The following AKAP7 variants were observed in gnomAD, a reference collection of about 807,000 sequenced individuals.
AKAP7 encodes A-kinase anchoring protein 7.
In AKAP7, 39 loss-of-function variants were observed where a neutral mutation model predicts 39.5. That is an observed-to-expected ratio of 0.99 (90% CI 0.76 to 1.29). The LOEUF (loss-of-function observed/expected upper bound fraction) is 1.29. Ranked by LOEUF, AKAP7 falls within the 50% of genes most tolerant of loss-of-function variation. The probability of loss-of-function intolerance (pLI) is 0.00; values close to 1 mark genes in which losing one functional copy is unlikely to be tolerated. For missense variants in AKAP7, 414 were observed against 407.7 expected (o/e 1.02, Z -0.13); for synonymous variants, 140 against 139.1 (o/e 1.01, Z -0.05).
chr6:131,278,097 G>A (rs1278222591), intron 7 of AKAP7, among the ~76,000 whole-genome samples: 1 of 152,074 alleles, frequency 6.6e-6, no homozygotes, highest in East Asian at 1.9e-4. Context: ...TGGTTTCAAG[G>A]ACTTCAGTCA....
chr6:131,265,545 T>C (rs1813716612), intron 7 of AKAP7, among the ~76,000 whole-genome samples: 1 of 151,918 alleles, frequency 6.6e-6, no homozygotes, highest in Non-Finnish European at 1.5e-5. Context: ...GAGGAGGGAG[T>C]TGGGGAGCTA....
chr6:131,220,810 G>C (rs1287409243), intron 7 of AKAP7, among the ~76,000 whole-genome samples: 2 of 152,130 alleles, frequency 1.3e-5, no homozygotes, highest in African/African-American at 2.4e-5. Flanking sequence ...ATGGTGATCA[G>C]TGATCTTTGA....
intron 2 of AKAP7, among the ~76,000 whole-genome samples, chr6:131,156,024 A>G (rs1240372224): frequency 6.6e-6 from 1 of 152,222 alleles, no homozygotes; most frequent in African/African-American, 2.4e-5. Context: ...CTTGTTGGAA[A>G]TCTAGTCTTC....
chr6:131,129,231 G>T, the AKAP7 span, among the ~76,000 whole-genome samples: 1 of 149,204 alleles, frequency 6.7e-6, no homozygotes, highest in East Asian at 2.0e-4. Context: ...AAGTTGCAGT[G>T]AGCCAAGATC....
chr6:131,153,014 T>C (rs1013134730), intron 2 of AKAP7, among the ~76,000 whole-genome samples: 11 of 149,058 alleles, frequency 7.4e-5, no homozygotes, highest in East Asian at 6.1e-4. Flanking sequence ...CCTGTAGTCC[T>C]AGCTACTCGG....
chr6:131,275,946 G>A (rs1206100189), intron 7 of AKAP7, among the ~76,000 whole-genome samples: 1 of 152,218 alleles, frequency 6.6e-6, no homozygotes, highest in Non-Finnish European at 1.5e-5. Context: ...CCAAATGCCT[G>A]TTGAGACTCT....
chr6:131,172,033 G>C (rs1804101382), intron 5 of AKAP7, among the ~76,000 whole-genome samples: 1 of 152,132 alleles, frequency 6.6e-6, no homozygotes, highest in Non-Finnish European at 1.5e-5. Context: ...GAGATTTCTG[G>C]TTCATAGAGA....
chr6:131,262,521 C>T (rs1264812665), intron 7 of AKAP7, among the ~76,000 whole-genome samples: 1 of 151,684 alleles, frequency 6.6e-6, no homozygotes, highest in South Asian at 2.1e-4. Flanking sequence ...AAACAATAAC[C>T]GTATTTTAAA....
intron 7 of AKAP7, among the ~76,000 whole-genome samples, chr6:131,257,339 G>T (rs893702933): frequency 7.2e-6 from 1 of 138,826 alleles, no homozygotes; most frequent in Non-Finnish European, 1.5e-5. Flanking sequence ...CTGTACTCCA[G>T]CCTGGGTGAC....
chr6:131,233,101 G>A (rs1441799187), intron 7 of AKAP7, among the ~76,000 whole-genome samples: 8 of 151,530 alleles, frequency 5.3e-5, no homozygotes, highest in South Asian at 4.2e-4. Flanking sequence ...TTTTTGACTG[G>A]AAAAACAAAG....
At chr6:131,131,819 T>C (rs1331717701), upstream of AKAP7, among the ~76,000 whole-genome samples, 1 of 152,114 alleles carries the variant, frequency 6.6e-6, no homozygotes, top group African/African-American at 2.4e-5. Flanking sequence ...TGACCATAGC[T>C]GCGGTCCCCT....
intron 3 of AKAP7, chr6:131,164,225 T>A (rs1214663873): frequency 2.8e-6 from 1 of 355,390 alleles, no homozygotes; most frequent in East Asian, 7.6e-5. Context: ...AGGGCTTCTG[T>A]CTTCTGTTCC....
chr6:131,205,306 A>G (rs1332834092), intron 6 of AKAP7, among the ~76,000 whole-genome samples: 3 of 152,086 alleles, frequency 2.0e-5, no homozygotes, highest in Non-Finnish European at 4.4e-5. Flanking sequence ...CTGTTTATGA[A>G]GGTAAAACAT....
At chr6:131,161,686 T>TAAAAAAAAAAAAAAAAA (rs1392090781) in intron 3 of AKAP7, among the ~76,000 whole-genome samples, 14 of 78,924 alleles carry the variant, frequency 1.8e-4, no homozygotes, top group Non-Finnish European at 3.0e-4. Context: ...AAAAAAAAAT[T>TAAAAAAAAAAAAAAAAA]AAAGGTCCTA....
At chr6:131,211,876 T>C (rs1808694100) in intron 6 of AKAP7, among the ~76,000 whole-genome samples, 1 of 151,600 alleles carries the variant, frequency 6.6e-6, no homozygotes, top group African/African-American at 2.4e-5. Flanking sequence ...AAGCCCATCA[T>C]AAATTGAACA....
chr6:131,199,038 G>A (rs75809603), intron 5 of AKAP7, among the ~76,000 whole-genome samples: 1,876 of 152,248 alleles, frequency 0.012, 34 homozygotes, highest in African/African-American at 0.043. Context: ...TACCTTGTTC[G>A]TTTCTCATTG....
chr6:131,156,047 T>G (rs1320095683), intron 2 of AKAP7, among the ~76,000 whole-genome samples: 1 of 152,206 alleles, frequency 6.6e-6, no homozygotes, highest in East Asian at 1.9e-4. Flanking sequence ...GTCATTGGCC[T>G]TTTCACTATC....
intron 7 of AKAP7, among the ~76,000 whole-genome samples, chr6:131,272,942 T>G (rs1814414203): frequency 6.6e-6 from 1 of 152,224 alleles, no homozygotes; most frequent in Non-Finnish European, 1.5e-5. Context: ...TCTTGAAATC[T>G]CAAACTGTAA....
Position 131,252,024 on chromosome 6 carries a change from C to T in AKAP7, c.851-29506C>T, listed in dbSNP as rs3777482. Among the ~76,000 whole-genome samples, 2,192 of 152,292 alleles carry T rather than the reference C, an allele frequency of 0.014. 146 individuals are homozygous for T. In the East Asian group the frequency reaches 0.18, roughly 12 times the overall value. On this transcript the variant is annotated intron_variant, in intron 7 of 7. Transcript: ENST00000431975. The stretch of plus-strand genomic sequence containing the variant: ...TCTGTTCCACTGCTCAGGGTTTTCC[C>T]CTGGAGTGCCTGCTCTCCTGCTCTG...
Sources: allele counts gnomAD v4.1 joint callset (sites outside exome capture counted in the v4.1 genomes callset), GRCh38; gene constraint gnomAD v4.1.1; transcripts MANE v1.5; gene names NCBI Gene and HGNC (gene_info 2026-07-23, HGNC 2026-07-21).